Variants in RASAL2 observed in about 807,000 individuals in gnomAD.
RASAL2 encodes RAS protein activator like 2.
A neutral mutation model predicts 128.9 loss-of-function variants in RASAL2; 58 were observed. That is an observed-to-expected ratio of 0.45 (90% CI 0.36 to 0.56). The LOEUF is 0.56. RASAL2 is among the 20% of genes least tolerant of loss of function. RASAL2 has a pLI of 0.00. For synonymous variants in RASAL2, 561 were observed against 580.8 expected (o/e 0.97, Z 0.49); for missense variants, 1,360 against 1,601.6 (o/e 0.85, Z 2.57).
At position 178,445,083 on chromosome 1, in the gene RASAL2, A is replaced by G. The variant is rs372714773; in HGVS notation, c.1483-435A>G. Among the ~76,000 whole-genome samples, 14 of 151,610 alleles carry G rather than the reference A, an allele frequency of 9.2e-5. No homozygotes were observed. In the East Asian group the frequency reaches 1.7e-3, roughly 19 times the overall value. ...ATCCAAAGGATCCCAGGAATGAGCT[A>G]CCTGACAGTGGGAGTGGAAGCAAGG... On this transcript the variant is annotated intron_variant, in intron 8 of 17. Transcript: ENST00000367649.
intron 3 of RASAL2, chr1:178,341,681 A>G: frequency 6.3e-7 from 1 of 1,599,458 alleles, no homozygotes. Flanking sequence ...TTTAAAAATT[A>G]CACAAATGCA....
At chr1:178,376,556 C>G (rs1410939239) in intron 3 of RASAL2, among the ~76,000 whole-genome samples, 8 of 152,044 alleles carry the variant, frequency 5.3e-5, no homozygotes, top group Admixed American at 1.3e-4. Context: ...AGAAAAAACT[C>G]ATACAGGAAC....
chr1:178,260,081 G>T (rs866276691), intron 1 of RASAL2, among the ~76,000 whole-genome samples: 7 of 151,510 alleles, frequency 4.6e-5, no homozygotes, highest in African/African-American at 1.2e-4. Flanking sequence ...GGCCAGGCGC[G>T]TTGGCTCACG....
intron 1 of RASAL2, among the ~76,000 whole-genome samples, chr1:178,186,494 A>G (rs1284073266): frequency 6.6e-6 from 1 of 152,122 alleles, no homozygotes; most frequent in African/African-American, 2.4e-5. Flanking sequence ...TTTGAAGGGT[A>G]TGGTATGTTT....
At chr1:178,299,851 G>A in intron 2 of RASAL2, 141 bp from the exon 3 acceptor site, 1 of 818,700 alleles carries the variant, frequency 1.2e-6, no homozygotes, top group Non-Finnish European at 1.8e-6. Context: ...CCTTACCATT[G>A]TATATACTTT....
At chr1:178,162,788 A>G (rs1290205037) in intron 1 of RASAL2, among the ~76,000 whole-genome samples, 2 of 151,164 alleles carry the variant, frequency 1.3e-5, no homozygotes, top group Non-Finnish European at 2.9e-5. Flanking sequence ...GTGTTTTACC[A>G]TGTTGGCCAG....
At chr1:178,472,687 T>G (rs1648383733) in intron 17 of RASAL2, among the ~76,000 whole-genome samples, 1 of 152,232 alleles carries the variant, frequency 6.6e-6, no homozygotes, top group African/African-American at 2.4e-5. Context: ...AAACCTCTGG[T>G]GCTTCTTTCT....
intron 5 of RASAL2, among the ~76,000 whole-genome samples, chr1:178,434,452 C>T (rs1327220615): frequency 6.6e-6 from 1 of 152,132 alleles, no homozygotes; most frequent in Non-Finnish European, 1.5e-5. Context: ...TGAGTGACAA[C>T]TCAGGCTGAC....
At chr1:178,193,571 T>C (rs1267738368) in intron 1 of RASAL2, among the ~76,000 whole-genome samples, 1 of 152,164 alleles carries the variant, frequency 6.6e-6, no homozygotes, top group African/African-American at 2.4e-5. Context: ...TTTTTTCTTT[T>C]CTTTCCCTTC....
chr1:178,187,223 C>G (rs1662334173), intron 1 of RASAL2, among the ~76,000 whole-genome samples: 4 of 152,060 alleles, frequency 2.6e-5, no homozygotes. Flanking sequence ...TGTTTTCAGC[C>G]CTTTTTCCCC....
At chr1:178,331,470 C>G (rs982856680) in intron 3 of RASAL2, among the ~76,000 whole-genome samples, 1 of 151,410 alleles carries the variant, frequency 6.6e-6, no homozygotes, top group African/African-American at 2.4e-5. Flanking sequence ...GTGTAGTAAT[C>G]TATTTAAAAA....
intron 1 of RASAL2, among the ~76,000 whole-genome samples, chr1:178,262,957 TCTTTTC>T (rs1665769759): frequency 6.6e-6 from 1 of 152,174 alleles, no homozygotes; most frequent in Non-Finnish European, 1.5e-5. Context: ...GGATTTGTTG[TCTTTTC>T]CTTTGTAAAG....
At chr1:178,368,855 AT>A (rs143065913) in intron 3 of RASAL2, among the ~76,000 whole-genome samples, 1 of 152,122 alleles carries the variant, frequency 6.6e-6, no homozygotes, top group African/African-American at 2.4e-5. Flanking sequence ...CCATGGTGTT[AT>A]CAAACTCCTG....
At chr1:178,200,882 C>G (rs1441426703) in intron 1 of RASAL2, among the ~76,000 whole-genome samples, 1 of 152,174 alleles carries the variant, frequency 6.6e-6, no homozygotes, top group Non-Finnish European at 1.5e-5. Flanking sequence ...CTGCCATCAT[C>G]CTTTCCACCT....
At chr1:178,367,988 A>G (rs755773243) in intron 3 of RASAL2, among the ~76,000 whole-genome samples, 48 of 152,328 alleles carry the variant, frequency 3.2e-4, no homozygotes, top group Non-Finnish European at 5.0e-4. Flanking sequence ...GTATTGGAAC[A>G]CAGCCATGCC....
intron 1 of RASAL2, among the ~76,000 whole-genome samples, chr1:178,160,113 A>G (rs940248028): frequency 1.3e-5 from 2 of 151,308 alleles, no homozygotes; most frequent in African/African-American, 2.4e-5. Flanking sequence ...GGTTTGTTGC[A>G]TATGTATACA....
Position 178,473,470 on chromosome 1 carries a change from A to G in RASAL2, c.*231A>G, listed in dbSNP as rs1479626022. 20 of 560,790 alleles carry G rather than the reference A, an allele frequency of 3.6e-5. No homozygotes were observed. The highest frequency in any genetic ancestry group is 6.3e-5 in the Non-Finnish European group (20 of 318,586). 34.7% of individuals were successfully genotyped at this position (560,790 alleles called of 1,614,324 possible). On this transcript the variant is annotated 3_prime_UTR_variant, in exon 18 of 18. Coordinates refer to ENST00000367649, the MANE Select transcript of RASAL2 (RefSeq NM_170692.4). ...TACATAGGGAACTTAGTTCTGGGCC[A>G]TGTACAGAAAATATCACTGTAATAT... is the stretch of plus-strand genomic sequence containing the variant.
chr1:178,230,462 A>G (rs1663959508), intron 1 of RASAL2, among the ~76,000 whole-genome samples: 2 of 152,270 alleles, frequency 1.3e-5, no homozygotes, highest in Middle Eastern at 3.4e-3. Context: ...ATGTGGTTTT[A>G]TCAGCCTTTT....
At position 178,457,770 on chromosome 1, in the gene RASAL2, C is replaced by A. The variant is rs775491324; in HGVS notation, c.2478C>A (p.Ser826=). The change falls in exon 14 of 18, where the codon TCC becomes TCA. Residue 826 remains serine, a synonymous_variant. Transcript: ENST00000367649. ...GKTLLLVQQA[S]SQSMTYSEKD... ...CATTATTGCTGGTTCAGCAAGCCTC[C>A]TCTCAGAGCATGACTTATTCTGAAA... 1 of 1,614,124 alleles carries A rather than the reference C, an allele frequency of 6.2e-7. No homozygotes were observed. Among genetic ancestry groups the A allele is most frequent in the East Asian group, 2.2e-5 (1 of 44,884 alleles).
Sources: gnomAD v4.1 joint callset for allele counts (sites outside exome capture counted in the v4.1 genomes callset) on GRCh38, gnomAD v4.1.1 for gene constraint, MANE v1.5 for transcripts, NCBI Gene and HGNC (gene_info 2026-07-23, HGNC 2026-07-21) for gene names.